Variants in TNRC6B observed in about 807,000 individuals in gnomAD.
TNRC6B encodes trinucleotide repeat-containing gene 6B protein.
TNRC6B carries 52 observed loss-of-function variants against 203.6 expected under a neutral mutation model. The ratio of observed to expected loss-of-function variants is 0.26; its 90% CI spans 0.20 to 0.32. The LOEUF is 0.32. TNRC6B is among the 10% of genes least tolerant of loss of function. The pLI, the probability that TNRC6B is intolerant of heterozygous loss-of-function variation, is 1.00. For missense variants in TNRC6B, 1,923 were observed against 2,286.2 expected, an observed-to-expected ratio of 0.84 and a Z score of 3.24; for synonymous variants, 838 against 845.7, an observed-to-expected ratio of 0.99 and a Z score of 0.16.
At chr22:40,092,078 C>A (rs1479539834) in intron 1 of TNRC6B, among the ~76,000 whole-genome samples, 1 of 152,138 alleles carries the variant, frequency 6.6e-6, no homozygotes, top group Non-Finnish European at 1.5e-5. Context: ...CACTGAGCTA[C>A]AGTGAATGAG....
intron 1 of TNRC6B, among the ~76,000 whole-genome samples, chr22:40,087,384 G>T (rs117305348): frequency 2.6e-5 from 4 of 152,100 alleles, no homozygotes; most frequent in Admixed American, 1.3e-4. Context: ...CATTAATTCA[G>T]TTATTCATTT....
chr22:40,158,456 G>C (rs1484584446), intron 4 of TNRC6B, among the ~76,000 whole-genome samples: 1 of 152,144 alleles, frequency 6.6e-6, no homozygotes, highest in Non-Finnish European at 1.5e-5. Context: ...TGGAAGTTCT[G>C]TACTATAAAG....
chr22:40,250,351 T>G (rs1569037874), intron 2 of TNRC6B, among the ~76,000 whole-genome samples: 1 of 152,202 alleles, frequency 6.6e-6, no homozygotes, highest in African/African-American at 2.4e-5. Flanking sequence ...TCTGTAAGGC[T>G]CCTAATCATC....
At chr22:40,296,448 C>G (rs2070943121) in intron 12 of TNRC6B, among the ~76,000 whole-genome samples, 1 of 151,080 alleles carries the variant, frequency 6.6e-6, no homozygotes, top group Non-Finnish European at 1.5e-5. Flanking sequence ...TCTCCTGCCT[C>G]AGTCTCCCGA....
intron 10 of TNRC6B, 137 bp from the exon 11 acceptor site, chr22:40,280,982 T>A (rs5750929): frequency 0.38 from 259,916 of 684,872 alleles, 52,929 homozygotes; most frequent in East Asian, 0.54. Context: ...TATTATCAGA[T>A]CCAAATTCCA....
chr22:40,156,300 C>A, intron 4 of TNRC6B: 1 of 978,926 alleles, frequency 1.0e-6, no homozygotes, highest in Non-Finnish European at 1.5e-6. Context: ...GGGGAACTCA[C>A]CAGTTGCTTT....
At chr22:40,133,732 G>T (rs925308191) in intron 3 of TNRC6B, among the ~76,000 whole-genome samples, 2 of 152,128 alleles carry the variant, frequency 1.3e-5, no homozygotes, top group African/African-American at 4.8e-5. Flanking sequence ...ACTTTGGGAG[G>T]CCGAGGCGAG....
intron 1 of TNRC6B, among the ~76,000 whole-genome samples, chr22:40,187,895 C>T (rs1355685905): frequency 1.3e-5 from 2 of 152,072 alleles, no homozygotes; most frequent in African/African-American, 4.8e-5. Context: ...TTAACTAGAC[C>T]ATCTAAGTGA....
intron 12 of TNRC6B, among the ~76,000 whole-genome samples, chr22:40,296,326 A>ATTTT (rs951987835): frequency 1.1e-4 from 14 of 125,452 alleles, no homozygotes; most frequent in Admixed American, 2.4e-4. Context: ...AGAATGGTGA[A>ATTTT]TTTTTTTTTT....
At chr22:40,186,643 CAGG>C (rs2069207251) in intron 1 of TNRC6B, among the ~76,000 whole-genome samples, 2 of 150,740 alleles carry the variant, frequency 1.3e-5, no homozygotes, top group Admixed American at 1.3e-4. Context: ...GAGGCTGATG[CAGG>C]AGAATTGCTT....
intron 9 of TNRC6B, among the ~76,000 whole-genome samples, chr22:40,278,329 G>T (rs2070677610): frequency 6.6e-6 from 1 of 151,828 alleles, no homozygotes; most frequent in East Asian, 1.9e-4. Context: ...GGAGACCGAG[G>T]TGGGTGGATT....
At chr22:40,057,797 A>G (rs2067812828) in intron 1 of TNRC6B, among the ~76,000 whole-genome samples, 1 of 152,128 alleles carries the variant, frequency 6.6e-6, no homozygotes, top group South Asian at 2.1e-4. Flanking sequence ...CTGCTCTCTG[A>G]GGAGCTAAAT....
intron 3 of TNRC6B, among the ~76,000 whole-genome samples, chr22:40,154,537 T>C (rs1222596999): frequency 1.3e-5 from 2 of 150,198 alleles, no homozygotes; most frequent in Middle Eastern, 3.2e-3. Context: ...TACATACATA[T>C]GGTTAAAAAT....
intron 1 of TNRC6B, among the ~76,000 whole-genome samples, chr22:40,236,753 A>C (rs954166641): frequency 1.2e-4 from 18 of 152,132 alleles, no homozygotes; most frequent in Non-Finnish European, 1.8e-4. Context: ...CTACAGGTGG[A>C]GATTAATATG....
At chr22:40,161,414 A>AGAT (rs2068870410) in intron 4 of TNRC6B, among the ~76,000 whole-genome samples, 1 of 152,208 alleles carries the variant, frequency 6.6e-6, no homozygotes, top group Admixed American at 6.5e-5. Context: ...GTCACAGAGC[A>AGAT]GATTCTTGTA....
chr22:40,334,404 G>C lies in TNRC6B; in HGVS notation c.*11163G>C, dbSNP rs565636751. The C allele has an allele frequency of 6.6e-6, 1 of 152,500 alleles. No homozygotes were observed. Among genetic ancestry groups the C allele is most frequent in the African/African-American group, 2.4e-5 (1 of 41,490 alleles). The allele number at this position is 152,500 out of a possible 1,614,324, so 9.4% of individuals were successfully genotyped here. Reference sequence around the variant, plus strand: ...AAAAAACAAAAAACCCTTCTGGGAGGAAAAAAATAAAAAGCAGATACAACA... The same window carrying C: ...AAAAAACAAAAAACCCTTCTGGGAGCAAAAAAATAAAAAGCAGATACAACA... On this transcript the variant is annotated 3_prime_UTR_variant, in exon 23 of 23. Coordinates refer to ENST00000454349, the MANE Select transcript of TNRC6B (RefSeq NM_001162501.2).
intron 12 of TNRC6B, among the ~76,000 whole-genome samples, chr22:40,296,878 A>T (rs1218099403): frequency 1.3e-5 from 2 of 151,956 alleles, no homozygotes; most frequent in Non-Finnish European, 2.9e-5. Context: ...TCTCCGCCCG[A>T]CTTGGCCTCC....
chr22:40,166,810 G>A (rs186391449), intron 4 of TNRC6B, among the ~76,000 whole-genome samples: 28 of 151,522 alleles, frequency 1.8e-4, no homozygotes, highest in East Asian at 5.8e-4. Context: ...CAGGAGATTC[G>A]CTTGAACCAG....
At position 40,075,213 on chromosome 22, in the gene TNRC6B, A is replaced by G. The variant is rs902760032; in HGVS notation, c.-121+30215A>G. 4.0e-5 allele frequency among the ~76,000 whole-genome samples: 4 copies of G among 100,496 alleles called. No homozygotes were observed. The Admixed American group carries it at 5.6e-4, about 14-fold the overall frequency. The allele number at this position is 100,496 out of a possible 152,430, so 65.9% of individuals were successfully genotyped here. ...TTTTCTTTCTACATTGATATAATGT[A>G]GTTTCTGAGAAGTGTTGAAATATCC... On this transcript the variant is annotated intron_variant, in intron 1 of 23. Transcript: ENST00000301923.
Sources: gnomAD v4.1 joint callset for allele counts (sites outside exome capture counted in the v4.1 genomes callset) on GRCh38, gnomAD v4.1.1 for gene constraint, MANE v1.5 for transcripts, NCBI Gene and HGNC (gene_info 2026-07-23, HGNC 2026-07-21) for gene names.